Variants in CC2D2A observed in about 807,000 individuals in gnomAD.
CC2D2A encodes the protein coiled-coil and C2 domain-containing protein 2A.
CC2D2A carries 155 observed loss-of-function variants against 212.9 expected under a neutral mutation model. The observed-to-expected ratio is 0.73, with a 90% confidence interval of 0.64 to 0.83. The LOEUF is 0.83. CC2D2A is among the 40% of genes least tolerant of loss of function. CC2D2A has a pLI of 0.00. For missense variants in CC2D2A, 1,856 were observed against 1,956.2 expected (o/e 0.95, Z 0.97); for synonymous variants, 667 against 686.5 (o/e 0.97, Z 0.44).
chr4:15,474,358 A>G (rs1714029998), intron 1 of CC2D2A, among the ~76,000 whole-genome samples: 1 of 152,226 alleles, frequency 6.6e-6, no homozygotes, highest in South Asian at 2.1e-4. Flanking sequence ...CAAACATGGC[A>G]TGTTCTCACT....
chr4:15,598,010 T>C (rs1285148218), intron 35 of CC2D2A, among the ~76,000 whole-genome samples: 1 of 152,222 alleles, frequency 6.6e-6, no homozygotes, highest in Non-Finnish European at 1.5e-5. Flanking sequence ...ATGTGTACTA[T>C]TTCTACTGTA....
chr4:15,524,480 T>C (rs1717393568), intron 11 of CC2D2A, among the ~76,000 whole-genome samples: 1 of 137,854 alleles, frequency 7.3e-6, no homozygotes, highest in Non-Finnish European at 1.5e-5. Context: ...AGATGGAGTC[T>C]CACTCTGCTG....
Position 15,589,677 on chromosome 4 carries a change from A to G in CC2D2A, c.4312A>G (p.Asn1438Asp). ...TGTGGGCTGTTTAATAGGTCCTGAC[A>G]ATGTAAGTATTAACATTTCTTCTTA... ...KNVGCLIGPD[N>D]IWFNIQRYES... The change falls in exon 33 of 37, where the codon AAT (asparagine) becomes GAT (aspartate). Residue 1438 changes from asparagine to aspartate, a missense_variant and splice_region_variant. By Grantham distance (23) the Asn-to-Asp change is conservative. Coordinates refer to ENST00000424120, the MANE Select transcript of CC2D2A (RefSeq NM_001378615.1). 1 of 1,536,724 alleles carries G rather than the reference A, an allele frequency of 6.5e-7. No homozygotes were observed.
Position 15,527,326 on chromosome 4 carries a change from A to C in CC2D2A, c.1150-121A>C, listed in dbSNP as rs1717559528. On this transcript the variant is annotated intron_variant, in intron 11 of 36. Coordinates refer to ENST00000424120, the MANE Select transcript of CC2D2A (RefSeq NM_001378615.1). ...GGAAATAAGTAATCAAGCATTTTTC[A>C]CCTGACTAGTCCAGGATAGGAGGTA... 4 of 612,914 alleles carry C rather than the reference A, an allele frequency of 6.5e-6. No homozygotes were observed. The East Asian group carries it at 1.1e-4, about 17-fold the overall frequency. The allele number at this position is 612,914 out of a possible 1,614,324, so 38.0% of individuals were successfully genotyped here.
chr4:15,553,611 GC>G (rs1314325491), intron 19 of CC2D2A, among the ~76,000 whole-genome samples: 1 of 152,186 alleles, frequency 6.6e-6, no homozygotes, highest in Non-Finnish European at 1.5e-5. Flanking sequence ...TGGGGGAGAT[GC>G]ACAGCATCAC....
At chr4:15,472,850 C>T in intron 1 of CC2D2A, among the ~76,000 whole-genome samples, 1 of 152,174 alleles carries the variant, frequency 6.6e-6, no homozygotes. Flanking sequence ...AATAGAATTT[C>T]AGATGCTTTA....
chr4:15,515,088 C>T (rs1716785966), intron 9 of CC2D2A, among the ~76,000 whole-genome samples: 1 of 152,220 alleles, frequency 6.6e-6, no homozygotes, highest in African/African-American at 2.4e-5. Context: ...TACCAGAGTA[C>T]TGTGGGAACC....
At chr4:15,522,473 G>C (rs1190114036) in intron 11 of CC2D2A, among the ~76,000 whole-genome samples, 1 of 151,470 alleles carries the variant, frequency 6.6e-6, no homozygotes, top group Non-Finnish European at 1.5e-5. Flanking sequence ...GTTTTATTTA[G>C]AAGGGAGTTG....
chr4:15,596,453 C>T (rs558401758), intron 34 of CC2D2A, among the ~76,000 whole-genome samples: 2 of 152,054 alleles, frequency 1.3e-5, no homozygotes, highest in Non-Finnish European at 2.9e-5. Flanking sequence ...TAAAAAGTAC[C>T]ACAAAATGTA....
At chr4:15,493,983 A>G (rs1358523231) in intron 4 of CC2D2A, among the ~76,000 whole-genome samples, 1 of 152,218 alleles carries the variant, frequency 6.6e-6, no homozygotes, top group Non-Finnish European at 1.5e-5. Flanking sequence ...TTCTGAGACT[A>G]CACACACTTA....
intron 19 of CC2D2A, among the ~76,000 whole-genome samples, chr4:15,554,045 T>C (rs1465704661): frequency 6.6e-6 from 1 of 152,224 alleles, no homozygotes; most frequent in Non-Finnish European, 1.5e-5. Flanking sequence ...TTTAGTTCCC[T>C]TGATGCCTTC....
intron 9 of CC2D2A, among the ~76,000 whole-genome samples, chr4:15,515,662 G>T (rs922065937): frequency 3.3e-4 from 50 of 152,164 alleles, no homozygotes; most frequent in African/African-American, 1.2e-3. Context: ...ATTTTTAGGC[G>T]TTTTCTTTAA....
intron 1 of CC2D2A, among the ~76,000 whole-genome samples, chr4:15,474,780 A>G (rs966407612): frequency 1.3e-5 from 2 of 152,212 alleles, no homozygotes; most frequent in African/African-American, 4.8e-5. Context: ...GACCAAGTCA[A>G]GTAAGATGAG....
At position 15,568,794 on chromosome 4, in the gene CC2D2A, T is replaced by C. The variant is rs1223679257; in HGVS notation, c.3399-499T>C. On this transcript the variant is annotated intron_variant, in intron 26 of 36. Transcript: ENST00000424120. ...AGAGTGGGTTATGTTACAGGAGACC[T>C]TACCCCTGTATTGCTTTACTTATAT... Among the ~76,000 whole-genome samples, 3 of 152,296 alleles carry C rather than the reference T, an allele frequency of 2.0e-5. No individual in the cohort carries two copies. In the South Asian group the frequency reaches 6.2e-4, roughly 32 times the overall value.
rs557679762 is a variant in CC2D2A at position 15,554,133 on chromosome 4, C to T, written c.2486+828C>T. Among the ~76,000 whole-genome samples, 7 of 152,288 alleles carry T rather than the reference C, an allele frequency of 4.6e-5. No individual in the cohort carries two copies. In the East Asian group the frequency reaches 1.3e-3, roughly 29 times the overall value. On this transcript the variant is annotated intron_variant, in intron 19 of 36. Coordinates refer to ENST00000424120, the MANE Select transcript of CC2D2A (RefSeq NM_001378615.1). ...TGCTATTTGCTTTCTAAGTCAGAAGCCACTTCCAGTGGAGGCCTGACTATG... is the reference window on the plus strand; with the variant it reads ...TGCTATTTGCTTTCTAAGTCAGAAGTCACTTCCAGTGGAGGCCTGACTATG...
chr4:15,537,104 T>C (rs1291611794), intron 15 of CC2D2A, 28 bp downstream of exon 15: 8 of 1,608,866 alleles, frequency 5.0e-6, no homozygotes, highest in Non-Finnish European at 6.8e-6. Context: ...CAGCCTGGAA[T>C]AGGGCTGGCC....
intron 8 of CC2D2A, among the ~76,000 whole-genome samples, chr4:15,512,134 G>A (rs911364114): frequency 1.3e-5 from 2 of 152,194 alleles, no homozygotes; most frequent in Admixed American, 1.3e-4. Context: ...TGCAGCTGCT[G>A]TGAAAAACAG....
intron 24 of CC2D2A, 66 bp from the exon 25 acceptor site, chr4:15,567,311 T>A: frequency 8.3e-7 from 1 of 1,199,714 alleles, no homozygotes; most frequent in African/African-American, 1.5e-5. Context: ...AAATAAATAA[T>A]TGTCTTCTCA....
chr4:15,581,109 G>A (rs1288772590), intron 30 of CC2D2A, among the ~76,000 whole-genome samples: 4 of 152,062 alleles, frequency 2.6e-5, no homozygotes, highest in Non-Finnish European at 5.9e-5. Flanking sequence ...AATATAGGAA[G>A]TTATTGCTAC....
Sources: gnomAD v4.1 joint callset for allele counts (sites outside exome capture counted in the v4.1 genomes callset) on GRCh38, gnomAD v4.1.1 for gene constraint, MANE v1.5 for transcripts, NCBI Gene and HGNC (gene_info 2026-07-23, HGNC 2026-07-21) for gene names.